Variants in DOCK3 observed in about 807,000 individuals in gnomAD.
The protein encoded by DOCK3 is dedicator of cytokinesis 3.
DOCK3 carries 60 observed loss-of-function variants against 265.6 expected under a neutral mutation model. The ratio of observed to expected loss-of-function variants is 0.23; its 90% CI spans 0.18 to 0.28. The LOEUF (loss-of-function observed/expected upper bound fraction) is 0.28. Among genes scored for constraint, DOCK3 ranks in the 10% least tolerant of loss-of-function variants. DOCK3 has a pLI of 1.00. For synonymous variants in DOCK3, 881 were observed against 938.0 expected (o/e 0.94, Z 1.11); for missense variants, 1,981 against 2,594.3 (o/e 0.76, Z 5.14).
At chr3:51,176,520 G>A (rs1217549287) in intron 12 of DOCK3, among the ~76,000 whole-genome samples, 1 of 152,198 alleles carries the variant, frequency 6.6e-6, no homozygotes, top group African/African-American at 2.4e-5. Flanking sequence ...CAGCTACTGG[G>A]GAGGCTGAGG....
intron 4 of DOCK3, among the ~76,000 whole-genome samples, chr3:50,930,649 C>T (rs111881555): frequency 2.6e-5 from 4 of 152,358 alleles, no homozygotes; most frequent in African/African-American, 9.6e-5. Flanking sequence ...AGCTCCCCCT[C>T]ACCTGGCTTG....
At chr3:51,023,837 A>T (rs2079699713) in intron 5 of DOCK3, among the ~76,000 whole-genome samples, 1 of 151,968 alleles carries the variant, frequency 6.6e-6, no homozygotes, top group South Asian at 2.1e-4. Flanking sequence ...GAGTAGCTTG[A>T]TAATCAACCT....
At chr3:50,752,694 T>C (rs1043495283) in intron 1 of DOCK3, among the ~76,000 whole-genome samples, 2 of 151,894 alleles carry the variant, frequency 1.3e-5, no homozygotes, top group Non-Finnish European at 2.9e-5. Flanking sequence ...AGGAGAATCA[T>C]TTGAACCCAG....
intron 5 of DOCK3, among the ~76,000 whole-genome samples, chr3:50,934,717 T>TAA (rs1362622016): frequency 6.6e-6 from 1 of 151,550 alleles, no homozygotes; most frequent in African/African-American, 2.4e-5. Flanking sequence ...CTTGGGAGGC[T>TAA]AAAGAGTGAG....
chr3:50,928,879 GT>G (rs2050910444), intron 4 of DOCK3, among the ~76,000 whole-genome samples: 1 of 152,124 alleles, frequency 6.6e-6, no homozygotes, highest in Non-Finnish European at 1.5e-5. Flanking sequence ...TAACCATTGT[GT>G]TTTTTACTGT....
chr3:50,847,046 G>GT (rs1427554787), intron 3 of DOCK3, among the ~76,000 whole-genome samples: 1 of 151,690 alleles, frequency 6.6e-6, no homozygotes, highest in Admixed American at 6.6e-5. Flanking sequence ...CTTTGTTCTT[G>GT]TTTTTTCTAG....
At chr3:51,307,006 A>C (rs558293539) in intron 27 of DOCK3, among the ~76,000 whole-genome samples, 1 of 152,192 alleles carries the variant, frequency 6.6e-6, no homozygotes, top group East Asian at 1.9e-4. Flanking sequence ...TAATTTGGCA[A>C]CTCTGGAAAT....
intron 6 of DOCK3, 115 bp from the exon 7 acceptor site, chr3:51,075,241 G>A (rs2082016779): frequency 2.6e-6 from 2 of 759,688 alleles, no homozygotes; most frequent in Admixed American, 2.7e-5. Flanking sequence ...TTCCTGCTAG[G>A]ACAGTGTCTG....
At chr3:50,696,624 G>C (rs1443418923) in intron 1 of DOCK3, among the ~76,000 whole-genome samples, 1 of 152,164 alleles carries the variant, frequency 6.6e-6, no homozygotes, top group African/African-American at 2.4e-5. Flanking sequence ...GGTGTTTTGG[G>C]AGGACCATGT....
At chr3:51,191,941 T>A (rs79146945) in intron 12 of DOCK3, among the ~76,000 whole-genome samples, 3,675 of 150,056 alleles carry the variant, frequency 0.024, 174 homozygotes, top group African/African-American at 0.085. Flanking sequence ...TACAAGTAGT[T>A]TGGAAATATT....
chr3:50,926,253 C>T (rs1024894573), intron 4 of DOCK3, among the ~76,000 whole-genome samples: 1 of 152,110 alleles, frequency 6.6e-6, no homozygotes, highest in Non-Finnish European at 1.5e-5. Context: ...TTTTATATAT[C>T]CATTCTACAT....
intron 3 of DOCK3, among the ~76,000 whole-genome samples, chr3:50,876,508 A>G (rs566386552): frequency 3.3e-4 from 50 of 152,178 alleles, no homozygotes; most frequent in Non-Finnish European, 5.9e-4. Context: ...CATGATTTGA[A>G]TGAATATCCT....
At chr3:51,111,555 C>T (rs1287207185) in intron 9 of DOCK3, among the ~76,000 whole-genome samples, 1 of 152,118 alleles carries the variant, frequency 6.6e-6, no homozygotes, top group Non-Finnish European at 1.5e-5. Context: ...TGAACCCCTT[C>T]CTTATACCAT....
At chr3:51,161,911 G>C (rs1483324151) in intron 12 of DOCK3, among the ~76,000 whole-genome samples, 1 of 152,096 alleles carries the variant, frequency 6.6e-6, no homozygotes, top group Non-Finnish European at 1.5e-5. Flanking sequence ...TTCAACCAAA[G>C]GATATTGTCT....
At chr3:50,712,745 G>A (rs1049077060) in intron 1 of DOCK3, among the ~76,000 whole-genome samples, 10 of 152,160 alleles carry the variant, frequency 6.6e-5, no homozygotes, top group Non-Finnish European at 1.5e-5. Flanking sequence ...TTAGGAGTGT[G>A]TTGTTTAATT....
At chr3:51,025,298 A>G (rs1350016665) in intron 5 of DOCK3, among the ~76,000 whole-genome samples, 1 of 152,078 alleles carries the variant, frequency 6.6e-6, no homozygotes, top group African/African-American at 2.4e-5. Flanking sequence ...GTAATGTTTC[A>G]CAGGGGAGTA....
intron 3 of DOCK3, among the ~76,000 whole-genome samples, chr3:50,885,884 G>A (rs1238825393): frequency 6.6e-6 from 1 of 152,058 alleles, no homozygotes; most frequent in East Asian, 1.9e-4. Flanking sequence ...GTTTTTTGGT[G>A]TGGGGGGCAG....
intron 9 of DOCK3, among the ~76,000 whole-genome samples, chr3:51,120,766 G>A (rs1453958512): frequency 1.3e-5 from 2 of 152,168 alleles, no homozygotes; most frequent in Non-Finnish European, 2.9e-5. Context: ...TTTACACTGT[G>A]AGGGGAAAAC....
intron 5 of DOCK3, among the ~76,000 whole-genome samples, chr3:51,028,926 T>G (rs190478710): frequency 3.9e-5 from 6 of 152,358 alleles, no homozygotes; most frequent in Non-Finnish European, 7.3e-5. Flanking sequence ...TTTAGTCTGG[T>G]TGGCATCCAT....
Sources: gnomAD v4.1 joint callset for allele counts (sites outside exome capture counted in the v4.1 genomes callset) on GRCh38, gnomAD v4.1.1 for gene constraint, MANE v1.5 for transcripts, NCBI Gene and HGNC (gene_info 2026-07-23, HGNC 2026-07-21) for gene names.